The following NRGN variants were observed in gnomAD, a reference collection of about 807,000 sequenced individuals.
The protein encoded by NRGN is neurogranin.
For synonymous variants in NRGN, 47 were observed against 52.8 expected, an observed-to-expected ratio of 0.89 and a Z score of 0.47; for missense variants, 82 against 123.0, an observed-to-expected ratio of 0.67 and a Z score of 1.58.
rs948662539 is a variant in NRGN, at chr11:124,745,864, T to A, written c.*6-101T>A. 4.6e-5 allele frequency: 19 copies of A among 413,480 alleles called. No individual in the cohort carries two copies. Among genetic ancestry groups the A allele is most frequent in the South Asian group, 8.6e-5 (1 of 11,564 alleles). The allele number at this position is 413,480 out of a possible 1,614,324, so 25.6% of individuals were successfully genotyped here. A position where few individuals can be genotyped will look rare whatever the true frequency, so the allele number is the denominator to read the frequency against. The stretch of plus-strand genomic sequence containing the variant: ...AGGGTTGGGGGATAGAAATCCGAGA[T>A]GGGAGGTGGGTGGGAAGAGGCTGAA... On this transcript the variant is annotated intron_variant, in intron 2 of 3. Coordinates refer to ENST00000284292, the MANE Select transcript of NRGN (RefSeq NM_006176.3). This position sits in a 1 kb window ranked among gnomAD's most constrained non-coding sequence, Gnocchi z 6.4.
At chr11:124,742,338 G>T (rs1437783758) in intron 1 of NRGN, among the ~76,000 whole-genome samples, 1 of 152,150 alleles carries the variant, frequency 6.6e-6, no homozygotes, top group Non-Finnish European at 1.5e-5. Context: ...TGGTGTTTGG[G>T]AAGAATCTAG....
Position 124,745,608 on chromosome 11 carries a change from A to C in NRGN, c.121A>C (p.Met41Leu). Residue 41 changes from methionine to leucine, a missense_variant, in exon 2 of 4, where the codon ATG (methionine) becomes CTG (leucine). Physicochemically the swap from Met to Leu is conservative, Grantham distance 15. Coordinates refer to ENST00000284292, the MANE Select transcript of NRGN (RefSeq NM_006176.3). This position sits in a 1 kb window ranked among gnomAD's most constrained non-coding sequence, Gnocchi z 6.4. ...AATCCAGGCGAGTTTTCGGGGCCAC[A>C]TGGCGCGGAAGAAGATAAAGAGCGG... ...AKIQASFRGH[M>L]ARKKIKSGER... 1 of 1,606,130 alleles carries C rather than the reference A, an allele frequency of 6.2e-7. No homozygotes were observed. Among genetic ancestry groups the C allele is most frequent in the Non-Finnish European group, 8.5e-7 (1 of 1,177,866 alleles).
chr11:124,743,061 T>G lies in NRGN; in HGVS notation c.16-2442T>G, dbSNP rs145691872. On this transcript the variant is annotated intron_variant, in intron 1 of 3. Coordinates refer to ENST00000284292, the MANE Select transcript of NRGN (RefSeq NM_006176.3). ...AGCACCAGCCAGGCACCATGACCAA[T>G]GAACCTCTTCCCAGGTCCTTTCAAT... is the stretch of plus-strand genomic sequence containing the variant. Among the ~76,000 whole-genome samples the G allele has an allele frequency of 1.1e-3, 167 of 152,350 alleles. 1 individual carries two copies. The highest frequency in any genetic ancestry group is 3.9e-3 in the African/African-American group (164 of 41,586).
chr11:124,740,018 C>A lies in NRGN; in HGVS notation c.-67C>A. On this transcript the variant is annotated 5_prime_UTR_variant, in exon 1 of 4. Coordinates refer to ENST00000284292, the MANE Select transcript of NRGN (RefSeq NM_006176.3). The surrounding 1 kb of genome is among the most constrained non-coding windows in gnomAD (Gnocchi z 7.5). ...CGACTGCCCCAGAGCCCCCACCCGG[C>A]ACCACACAGACCCCACCCCCGCCCT... is the stretch of plus-strand genomic sequence containing the variant. 1.2e-6 allele frequency: 1 copy of A among 823,106 alleles called. No individual in the cohort carries two copies. The highest frequency in any genetic ancestry group is 3.3e-5 in the East Asian group (1 of 30,344). 51.0% of individuals were successfully genotyped at this position (823,106 alleles called of 1,614,324 possible).
In NRGN at chr11:124,743,016, C is replaced by T. The variant is rs140161634; in HGVS notation, c.16-2487C>T. On this transcript the variant is annotated intron_variant, in intron 1 of 3. Coordinates refer to ENST00000284292, the MANE Select transcript of NRGN (RefSeq NM_006176.3). ...TCCTATGGAACTGTCAGGCACACACCAGCAACCTTGGCTTTGGAAAGCACC... is the reference window on the plus strand; with the variant it reads ...TCCTATGGAACTGTCAGGCACACACTAGCAACCTTGGCTTTGGAAAGCACC... Among the ~76,000 whole-genome samples, 4 of 152,330 alleles carry T rather than the reference C, an allele frequency of 2.6e-5. No homozygotes were observed. In the East Asian group the frequency reaches 7.7e-4, roughly 29 times the overall value.
At chr11:124,741,481 C>T (rs557416907) in intron 1 of NRGN, among the ~76,000 whole-genome samples, 10 of 152,200 alleles carry the variant, frequency 6.6e-5, no homozygotes, top group African/African-American at 2.4e-4. Context: ...AGTCCCACCC[C>T]CTGGAGAACA....
chr11:124,740,112 G>GA lies in NRGN; in HGVS notation c.15+13_15+14insA. On this transcript the variant is annotated intron_variant, in intron 1 of 3. Transcript: ENST00000284292. This position sits in a 1 kb window ranked among gnomAD's most constrained non-coding sequence, Gnocchi z 7.5. ...GGACTGCTGCACCGTAAGTTAGAGG[G>GA]CCCGGGGGAGGGGCACTTGGCGGGG... 7.5e-7 allele frequency: 1 copy of GA among 1,325,252 alleles called. No homozygotes were observed. Among genetic ancestry groups the GA allele is most frequent in the Non-Finnish European group, 9.7e-7 (1 of 1,035,316 alleles). The allele number at this position is 1,325,252 out of a possible 1,614,324, so 82.1% of individuals were successfully genotyped here.
intron 1 of NRGN, chr11:124,744,727 G>A (rs895226060): frequency 3.3e-5 from 5 of 152,220 alleles, no homozygotes; most frequent in African/African-American, 4.8e-5. Flanking sequence ...GTGCTTAAGT[G>A]GTAGCTATCA....
Position 124,745,449 on chromosome 11 carries a change from TC to T in NRGN, c.16-51del, listed in dbSNP as rs1332867077. The stretch of plus-strand genomic sequence containing the variant: ...CCTCAGGGCTCTATTCCTACCCCAC[TC>T]CCGCGGATCAAGACCCAGTGACCCC... On this transcript the variant is annotated intron_variant, in intron 1 of 3. Transcript: ENST00000284292. This position sits in a 1 kb window ranked among gnomAD's most constrained non-coding sequence, Gnocchi z 6.4. 1.5e-6 allele frequency: 2 copies of T among 1,355,402 alleles called. No individual in the cohort carries two copies. The highest frequency in any genetic ancestry group is 3.1e-5 in the African/African-American group (2 of 65,078). The allele number at this position is 1,355,402 out of a possible 1,614,324, so 84.0% of individuals were successfully genotyped here. A position where few individuals can be genotyped will look rare whatever the true frequency, so the allele number is the denominator to read the frequency against.
In NRGN at chr11:124,740,119, G is replaced by T; in HGVS notation, c.15+20G>T. 1 of 1,337,812 alleles carries T rather than the reference G, an allele frequency of 7.5e-7. No individual in the cohort carries two copies. The highest frequency in any genetic ancestry group is 9.6e-7 in the Non-Finnish European group (1 of 1,036,388). The allele number at this position is 1,337,812 out of a possible 1,614,324, so 82.9% of individuals were successfully genotyped here. On this transcript the variant is annotated intron_variant, in intron 1 of 3. Transcript: ENST00000284292. This position sits in a 1 kb window ranked among gnomAD's most constrained non-coding sequence, Gnocchi z 7.5. ...TGCACCGTAAGTTAGAGGGCCCGGG[G>T]GAGGGGCACTTGGCGGGGTCCGCTG...
chr11:124,746,085 G>T, intron 3 of NRGN, 103 bp downstream of exon 3: 1 of 189,860 alleles, frequency 5.3e-6, no homozygotes. Context: ...CTCCCAGCCG[G>T]GGAAAATGCA....
At position 124,740,850 on chromosome 11, in the gene NRGN, C is replaced by G. The variant is rs1428814542; in HGVS notation, c.15+751C>G. Among the ~76,000 whole-genome samples, 2 of 152,260 alleles carry G rather than the reference C, an allele frequency of 1.3e-5. No homozygotes were observed. The highest frequency in any genetic ancestry group is 2.9e-5 in the Non-Finnish European group (2 of 68,052). ...AAGCGCCTGGCATAGGCCCTGGCTCCTGCCTCACTGGAAGAGTACAGTGAT... is the reference window on the plus strand; with the variant it reads ...AAGCGCCTGGCATAGGCCCTGGCTCGTGCCTCACTGGAAGAGTACAGTGAT... On this transcript the variant is annotated intron_variant, in intron 1 of 3. Coordinates refer to ENST00000284292, the MANE Select transcript of NRGN (RefSeq NM_006176.3). This position sits in a 1 kb window ranked among gnomAD's most constrained non-coding sequence, Gnocchi z 7.5.
chr11:124,740,892 T>G lies in NRGN; in HGVS notation c.15+793T>G, dbSNP rs1376621075. 6.6e-6 allele frequency among the ~76,000 whole-genome samples: 1 copy of G among 152,228 alleles called. No individual in the cohort carries two copies. Among genetic ancestry groups the G allele is most frequent in the Non-Finnish European group, 1.5e-5 (1 of 68,036 alleles). On this transcript the variant is annotated intron_variant, in intron 1 of 3. Coordinates refer to ENST00000284292, the MANE Select transcript of NRGN (RefSeq NM_006176.3). The surrounding 1 kb of genome is among the most constrained non-coding windows in gnomAD (Gnocchi z 7.5). Reference sequence around the variant, plus strand: ...TACAGTGATCATACGTATATGAAATTTATTTGTTTGCTTATTTATTTTTTG... The same window carrying G: ...TACAGTGATCATACGTATATGAAATGTATTTGTTTGCTTATTTATTTTTTG...
rs768513369 is a variant in NRGN at position 124,745,693 on chromosome 11, G to A, written c.206G>A (p.Gly69Glu). The A allele has an allele frequency of 2.3e-5, 32 of 1,419,330 alleles. No individual in the cohort carries two copies. The highest frequency in any genetic ancestry group is 2.7e-5 in the Non-Finnish European group (30 of 1,093,496). The allele number at this position is 1,419,330 out of a possible 1,614,324, so 87.9% of individuals were successfully genotyped here. The change falls in exon 2 of 4, where the codon GGA becomes GAA. Residue 69 changes from glycine to glutamate, a missense_variant. Transcript: ENST00000284292. This position sits in a 1 kb window ranked among gnomAD's most constrained non-coding sequence, Gnocchi z 6.4. Reference sequence around the variant, plus strand: ...CCTGGCGGAGCTGGGGTGGCCCGGGGAGGCGCGGGCGGCGGCCCCAGCGGA... The same window carrying A: ...CCTGGCGGAGCTGGGGTGGCCCGGGAAGGCGCGGGCGGCGGCCCCAGCGGA... ...GGPGGAGVARGGAGGGPSGD is the reference protein window; with the variant it reads ...GGPGGAGVAREGAGGGPSGD
In NRGN at chr11:124,745,414, A is replaced by G. The variant is rs987212870; in HGVS notation, c.16-89A>G. The G allele has an allele frequency of 3.1e-6, 3 of 954,030 alleles. No homozygotes were observed. In the African/African-American group the frequency reaches 5.2e-5, roughly 16 times the overall value. The allele number at this position is 954,030 out of a possible 1,614,324, so 59.1% of individuals were successfully genotyped here. A position where few individuals can be genotyped will look rare whatever the true frequency, so the allele number is the denominator to read the frequency against. On this transcript the variant is annotated intron_variant, in intron 1 of 3. Transcript: ENST00000284292. The surrounding 1 kb of genome is among the most constrained non-coding windows in gnomAD (Gnocchi z 6.4). ...GTACCTCCCACCCCCGCGTCGCCATAGTCCCTGTCCCTCAGGGCTCTATTC... is the reference window on the plus strand; with the variant it reads ...GTACCTCCCACCCCCGCGTCGCCATGGTCCCTGTCCCTCAGGGCTCTATTC...
At chr11:124,744,087 A>G (rs888235861) in intron 1 of NRGN, among the ~76,000 whole-genome samples, 11 of 152,140 alleles carry the variant, frequency 7.2e-5, no homozygotes, top group Non-Finnish European at 1.5e-4. Context: ...TCTGCAATCT[A>G]TACCATCAAT....
rs1944015522 is a variant in NRGN at position 124,746,684 on chromosome 11, C to G, written c.*304C>G. On this transcript the variant is annotated 3_prime_UTR_variant, in exon 4 of 4. Transcript: ENST00000284292. ...TGCTTCTCGCCCACCTCTTCCCGCACCCAGCATGCAGCTCTGCCTCCGCAG... is the reference window on the plus strand; with the variant it reads ...TGCTTCTCGCCCACCTCTTCCCGCAGCCAGCATGCAGCTCTGCCTCCGCAG... The G allele has an allele frequency of 6.5e-6, 1 of 152,736 alleles. No individual in the cohort carries two copies. Among genetic ancestry groups the G allele is most frequent in the Non-Finnish European group, 1.5e-5 (1 of 68,284 alleles). 9.5% of individuals were successfully genotyped at this position (152,736 alleles called of 1,614,324 possible).
Position 124,745,400 on chromosome 11 carries a change from C to A in NRGN, c.16-103C>A, listed in dbSNP as rs1944000327. 1.4e-6 allele frequency: 1 copy of A among 736,640 alleles called. No individual in the cohort carries two copies. Among genetic ancestry groups the A allele is most frequent in the Non-Finnish European group, 2.1e-6 (1 of 477,316 alleles). 45.6% of individuals were successfully genotyped at this position (736,640 alleles called of 1,614,324 possible). A position where few individuals can be genotyped will look rare whatever the true frequency, so the allele number is the denominator to read the frequency against. The stretch of plus-strand genomic sequence containing the variant: ...CGACACCCCTCTCTGTACCTCCCAC[C>A]CCCGCGTCGCCATAGTCCCTGTCCC... On this transcript the variant is annotated intron_variant, in intron 1 of 3. Transcript: ENST00000284292. The surrounding 1 kb of genome is among the most constrained non-coding windows in gnomAD (Gnocchi z 6.4).
At position 124,740,089 on chromosome 11, in the gene NRGN, A is replaced by G; in HGVS notation, c.5A>G (p.Asp2Gly). M[D>G]CCTENACSKP... ...AGAGGACCCCCCGACACCAGCATGG[A>G]CTGCTGCACCGTAAGTTAGAGGGCC... Residue 2 changes from aspartate (D) to glycine (G), a missense_variant, in exon 1 of 4, where the codon GAC becomes GGC. Asp to Gly is a moderately conservative substitution (Grantham distance 94, BLOSUM62 -1). Transcript: ENST00000284292. This position sits in a 1 kb window ranked among gnomAD's most constrained non-coding sequence, Gnocchi z 7.5. 1 of 1,346,636 alleles carries G rather than the reference A, an allele frequency of 7.4e-7. No individual in the cohort carries two copies. Among genetic ancestry groups the G allele is most frequent in the South Asian group, 2.1e-5 (1 of 46,628 alleles). The allele number at this position is 1,346,636 out of a possible 1,614,324, so 83.4% of individuals were successfully genotyped here.
Sources: gnomAD v4.1 joint callset for allele counts (sites outside exome capture counted in the v4.1 genomes callset) on GRCh38, gnomAD v4.1.1 for gene constraint, Gnocchi (gnomAD v3.1) non-coding constraint, MANE v1.5 for transcripts, NCBI Gene and HGNC (gene_info 2026-07-23, HGNC 2026-07-21) for gene names.